BTBD8: variants seen among roughly 807,000 people sequenced by gnomAD.
BTBD8 encodes BTB/POZ domain-containing protein 8.
In BTBD8, 110 loss-of-function variants were observed where a neutral mutation model predicts 162.9. The observed-to-expected ratio is 0.68, with a 90% CI of 0.58 to 0.79. The LOEUF (loss-of-function observed/expected upper bound fraction) is 0.79. Among genes scored for constraint, BTBD8 ranks in the 30% least tolerant of loss-of-function variants. The pLI is 0.00. For missense variants in BTBD8, 1,905 were observed against 2,085.4 expected, an observed-to-expected ratio of 0.91 and a Z score of 1.68; for synonymous variants, 667 against 716.1, an observed-to-expected ratio of 0.93 and a Z score of 1.10.
At chr1:92,141,244 G>C (rs1248367120) in intron 7 of BTBD8, 33 bp downstream of exon 7, 2 of 1,554,942 alleles carry the variant, frequency 1.3e-6, no homozygotes, top group East Asian at 2.4e-5. Context: ...CTTTTATCCA[G>C]TGCATTGTCA....
chr1:92,170,399 A>G (rs150678102), intron 12 of BTBD8, among the ~76,000 whole-genome samples: 1 of 152,202 alleles, frequency 6.6e-6, no homozygotes, highest in African/African-American at 2.4e-5. Context: ...CTGTTACTAC[A>G]TTTCGTATGT....
intron 6 of BTBD8, 57 bp downstream of exon 6, chr1:92,139,487 A>G (rs1229665230): frequency 6.4e-7 from 1 of 1,571,090 alleles, no homozygotes; most frequent in Non-Finnish European, 8.6e-7. Context: ...TGCTTTGTTG[A>G]GCTGTGTTGC....
In BTBD8 at chr1:92,129,833, A is replaced by G. The variant is rs901738900; in HGVS notation, c.752+57A>G. 1.3e-5 allele frequency: 19 copies of G among 1,419,422 alleles called. No homozygotes were observed. The Admixed American group carries it at 1.4e-4, about 10-fold the overall frequency. 87.9% of individuals were successfully genotyped at this position (1,419,422 alleles called of 1,614,324 possible). A position where few individuals can be genotyped will look rare whatever the true frequency, so the allele number is the denominator to read the frequency against. ...CAAATGATTGTAAATTGTATTTCAT[A>G]CAAAGCACTTTTTATGAATCTGATT... On this transcript the variant is annotated intron_variant, in intron 5 of 17. Coordinates refer to ENST00000636805, the MANE Select transcript of BTBD8 (RefSeq NM_001376131.1).
chr1:92,092,109 AG>A (rs1648320669), intron 2 of BTBD8, among the ~76,000 whole-genome samples: 1 of 152,140 alleles, frequency 6.6e-6, no homozygotes, highest in African/African-American at 2.4e-5. Flanking sequence ...TGCCTGTATA[AG>A]AAGACTTAGG....
chr1:92,085,425 C>T (rs1032086769), intron 1 of BTBD8, among the ~76,000 whole-genome samples: 1 of 152,182 alleles, frequency 6.6e-6, no homozygotes, highest in African/African-American at 2.4e-5. Context: ...AACCCCATCT[C>T]TACTAAAAAT....
intron 1 of BTBD8, among the ~76,000 whole-genome samples, chr1:92,084,163 C>T (rs1368296421): frequency 6.6e-6 from 1 of 152,178 alleles, no homozygotes; most frequent in Non-Finnish European, 1.5e-5. Context: ...CCATCTTTAT[C>T]ACCATTGATC....
In BTBD8 at chr1:92,181,496, T is replaced by G. The variant is rs1225117565; in HGVS notation, c.3813T>G (p.Ala1271=). The G allele has an allele frequency of 2.6e-6, 4 of 1,551,756 alleles. No individual in the cohort carries two copies. The highest frequency in any genetic ancestry group is 3.5e-6 in the Non-Finnish European group (4 of 1,146,984). ...AGCCCAGATCTGAAGACTATGATGCTGGAGGGTCTCAGGATGATGATGGGT... is the reference window on the plus strand; with the variant it reads ...AGCCCAGATCTGAAGACTATGATGCGGGAGGGTCTCAGGATGATGATGGGT... ...DIKPRSEDYD[A]GGSQDDDGSN... is the part of the protein sequence containing the mutation. The change falls in exon 17 of 18, where the codon GCT becomes GCG. Residue 1271 remains alanine, a synonymous_variant. Coordinates refer to ENST00000636805, the MANE Select transcript of BTBD8 (RefSeq NM_001376131.1).
At chr1:92,106,660 CAAAAA>C (rs60676530) in intron 3 of BTBD8, among the ~76,000 whole-genome samples, 13 of 9,942 alleles carry the variant, frequency 1.3e-3, no homozygotes, top group Non-Finnish European at 1.9e-3. Context: ...GACTCTGTCT[CAAAAA>C]AAAAAAAAAA....
rs1647970331 is a variant in BTBD8, at chr1:92,080,522, G to GCA, written c.-49_-48dup. 5.6e-6 allele frequency: 9 copies of GCA among 1,600,374 alleles called. No homozygotes were observed. Among genetic ancestry groups the GCA allele is most frequent in the Non-Finnish European group, 7.7e-6 (9 of 1,176,100 alleles). The stretch of plus-strand genomic sequence containing the variant: ...CGCCCCCTTCTTCCTCCTGGGCGGG[G>GCA]CAAGTGAGGCCAAGTACTGGGCCTC... On this transcript the variant is annotated 5_prime_UTR_variant, in exon 1 of 18. Transcript: ENST00000636805.
intron 1 of BTBD8, among the ~76,000 whole-genome samples, chr1:92,083,879 GGA>G (rs1648087705): frequency 2.0e-5 from 3 of 152,256 alleles, no homozygotes; most frequent in Non-Finnish European, 4.4e-5. Context: ...CCAAATCTTA[GGA>G]CATTTGAAAG....
In BTBD8 at chr1:92,180,284, A is replaced by C; in HGVS notation, c.2601A>C (p.Pro867=). 1 of 1,545,778 alleles carries C rather than the reference A, an allele frequency of 6.5e-7. No homozygotes were observed. The highest frequency in any genetic ancestry group is 1.2e-5 in the South Asian group (1 of 82,344). ...TKTQGSQGES[P]NSVKSSVSSR... ...TCTTAGGATCCCAAGGAGAGTCACC[A>C]AACTCAGTAAAATCTTCAGTCTCTT... Residue 867 remains proline, a synonymous_variant, in exon 17 of 18, where the codon CCA becomes CCC. Coordinates refer to ENST00000636805, the MANE Select transcript of BTBD8 (RefSeq NM_001376131.1).
chr1:92,150,098 T>C (rs919517344), intron 9 of BTBD8, among the ~76,000 whole-genome samples: 1 of 152,248 alleles, frequency 6.6e-6, no homozygotes, highest in African/African-American at 2.4e-5. Context: ...ATGTCATTGA[T>C]GGGTCCTTGG....
chr1:92,150,369 A>G (rs1460023264), intron 9 of BTBD8, among the ~76,000 whole-genome samples: 2 of 152,212 alleles, frequency 1.3e-5, no homozygotes, highest in Non-Finnish European at 2.9e-5. Context: ...TGTGAGTGGC[A>G]GTAATAGCAA....
chr1:92,105,458 G>A (rs1338190751), intron 3 of BTBD8, among the ~76,000 whole-genome samples: 1 of 150,468 alleles, frequency 6.6e-6, no homozygotes, highest in Admixed American at 6.6e-5. Flanking sequence ...TCCCTGCGTT[G>A]CCCAGGCTGG....
At chr1:92,100,860 C>T (rs1373610473) in intron 2 of BTBD8, among the ~76,000 whole-genome samples, 1 of 152,162 alleles carries the variant, frequency 6.6e-6, no homozygotes, top group African/African-American at 2.4e-5. Flanking sequence ...TCGTTTGCCT[C>T]GGCCTCCCAA....
chr1:92,129,402 C>T (rs181320094), intron 4 of BTBD8, among the ~76,000 whole-genome samples: 3 of 151,710 alleles, frequency 2.0e-5, no homozygotes, highest in East Asian at 1.9e-4. Flanking sequence ...GAGGATCATA[C>T]GTGAGTCTAG....
chr1:92,124,809 A>C (rs142360450), intron 4 of BTBD8, among the ~76,000 whole-genome samples: 1,765 of 152,304 alleles, frequency 0.012, 38 homozygotes, highest in African/African-American at 0.038. Context: ...AAAAGAAAAT[A>C]TCTTTCTTGT....
Position 92,180,975 on chromosome 1 carries a change from A to G in BTBD8, c.3292A>G (p.Asn1098Asp), listed in dbSNP as rs7523552. 2 of 1,551,720 alleles carry G rather than the reference A, an allele frequency of 1.3e-6. No individual in the cohort carries two copies. The highest frequency in any genetic ancestry group is 3.9e-5 in the Admixed American group (2 of 50,988). The change falls in exon 17 of 18, where the codon AAT becomes GAT. Residue 1098 changes from asparagine (N) to aspartate (D), a missense_variant. By Grantham distance (23) the Asn-to-Asp change is conservative. Around this residue, in one of 3 missense-constraint regions of BTBD8, gnomAD observed 1,374 missense variants for 1,442.7 expected, o/e 0.95. Transcript: ENST00000636805. Reference protein sequence around the residue: ...TALKYMVSNPNENSLNSNPVC... With the variant: ...TALKYMVSNPDENSLNSNPVC... ...CCTAAAATACATGGTTTCAAATCCA[A>G]ATGAAAACTCCTTGAACTCTAATCC...
chr1:92,150,681 C>T (rs1006561635), intron 9 of BTBD8: 4 of 152,142 alleles, frequency 2.6e-5, no homozygotes, highest in Non-Finnish European at 5.9e-5. Context: ...ACCATTCCAG[C>T]GCAGGGTGCA....
Sources: gnomAD v4.1 joint callset for allele counts (sites outside exome capture counted in the v4.1 genomes callset) on GRCh38, gnomAD v4.1.1 for gene constraint, gnomAD v4.1.1 regional missense constraint, MANE v1.5 for transcripts, NCBI Gene and HGNC (gene_info 2026-07-23, HGNC 2026-07-21) for gene names.